The following IL1RAPL1 variants were observed in gnomAD, a reference collection of about 807,000 sequenced individuals.
The protein encoded by IL1RAPL1 is interleukin-1 receptor accessory protein-like 1.
In IL1RAPL1, 3 loss-of-function variants were observed where a neutral mutation model predicts 48.4. The observed-to-expected ratio is 0.06, with a 90% CI of 0.03 to 0.16. IL1RAPL1 has a LOEUF of 0.16. Among genes scored for constraint, IL1RAPL1 ranks in the 10% least tolerant of loss-of-function variants. The pLI, the probability that IL1RAPL1 is intolerant of heterozygous loss-of-function variation, is 1.00. For missense variants in IL1RAPL1, 349 were observed against 530.6 expected, an observed-to-expected ratio of 0.66 and a Z score of 3.36; for synonymous variants, 185 against 187.7, an observed-to-expected ratio of 0.99 and a Z score of 0.12.
chrX:29,937,218 A>C (rs1418791043), intron 8 of IL1RAPL1, among the ~76,000 whole-genome samples: 1 of 112,262 alleles, frequency 8.9e-6, no homozygotes, highest in African/African-American at 3.2e-5. Context: ...ACAGATTTTA[A>C]AAGGTCTGCA....
chrX:29,618,413 G>C (rs1344279405), intron 5 of IL1RAPL1, among the ~76,000 whole-genome samples: 2 of 112,167 alleles, frequency 1.8e-5, no homozygotes, highest in African/African-American at 3.2e-5. Context: ...GTGACTGCAA[G>C]CCACACACGT....
chrX:29,606,635 A>G (rs1204134677), intron 5 of IL1RAPL1, among the ~76,000 whole-genome samples: 2 of 112,334 alleles, frequency 1.8e-5, no homozygotes, highest in Non-Finnish European at 3.8e-5. Context: ...TCCCAATTGC[A>G]CATACAGTCT....
At chrX:28,681,413 A>G (rs73205773) in intron 1 of IL1RAPL1, among the ~76,000 whole-genome samples, 24,975 of 110,939 alleles carry the variant, frequency 0.23, 2,224 homozygotes, top group Admixed American at 0.37. Flanking sequence ...CCAGATACTC[A>G]TCATTGCTGA....
chrX:29,103,891 CAG>C (rs750506284), intron 2 of IL1RAPL1, among the ~76,000 whole-genome samples: 6 of 111,805 alleles, frequency 5.4e-5, no homozygotes, highest in African/African-American at 6.5e-5. Context: ...CACTGATCAT[CAG>C]AGAAATGCAA....
At chrX:28,606,896 A>G (rs1289880311) in intron 1 of IL1RAPL1, among the ~76,000 whole-genome samples, 1 of 111,544 alleles carries the variant, frequency 9.0e-6, no homozygotes, top group African/African-American at 3.2e-5. Flanking sequence ...AATAGAAAAA[A>G]ATAAAAATGA....
chrX:29,905,319 G>C (rs1932586645), intron 6 of IL1RAPL1, among the ~76,000 whole-genome samples: 1 of 110,950 alleles, frequency 9.0e-6, no homozygotes, highest in South Asian at 3.8e-4. Context: ...TAGGTTGCCT[G>C]TTCACTCTAA....
At chrX:28,908,540 G>T (rs774663111) in intron 2 of IL1RAPL1, among the ~76,000 whole-genome samples, 34 of 111,591 alleles carry the variant, frequency 3.0e-4, no homozygotes, top group African/African-American at 9.4e-4. Flanking sequence ...ATTCCATTGT[G>T]GTCTGGAAGC....
intron 6 of IL1RAPL1, 129 bp from the exon 7 acceptor site, chrX:29,917,335 A>C (rs1052555234): frequency 3.2e-6 from 2 of 625,714 alleles, no homozygotes. Flanking sequence ...AAAATCCCTG[A>C]AAAATTATTC....
intron 6 of IL1RAPL1, among the ~76,000 whole-genome samples, chrX:29,787,554 A>G (rs1167803253): frequency 8.9e-6 from 1 of 111,788 alleles, no homozygotes; most frequent in Non-Finnish European, 1.9e-5. Context: ...TTATTTAGTT[A>G]AGAAATAACC....
chrX:29,573,524 A>C (rs1458355415), intron 5 of IL1RAPL1, among the ~76,000 whole-genome samples: 2 of 112,352 alleles, frequency 1.8e-5, no homozygotes, highest in Non-Finnish European at 3.8e-5. Flanking sequence ...TTGTAAGATG[A>C]GAGAAAGGTG....
At chrX:28,818,523 C>G (rs777971205) in intron 2 of IL1RAPL1, among the ~76,000 whole-genome samples, 2 of 110,126 alleles carry the variant, frequency 1.8e-5, no homozygotes, top group South Asian at 7.6e-4. Flanking sequence ...TATATATATA[C>G]ATTATATTTT....
intron 1 of IL1RAPL1, among the ~76,000 whole-genome samples, chrX:28,713,777 A>C (rs899483209): frequency 5.4e-5 from 6 of 112,006 alleles, no homozygotes; most frequent in Admixed American, 4.8e-4. Context: ...CATAGAAAGA[A>C]GGCAGCCAAT....
At chrX:28,841,464 TA>T (rs1921369690) in intron 2 of IL1RAPL1, among the ~76,000 whole-genome samples, 2 of 111,301 alleles carry the variant, frequency 1.8e-5, no homozygotes, top group African/African-American at 6.5e-5. Flanking sequence ...AAATGATACA[TA>T]TTTTTAACAT....
intron 5 of IL1RAPL1, among the ~76,000 whole-genome samples, chrX:29,500,196 G>T (rs1459023779): frequency 9.0e-6 from 1 of 111,348 alleles, no homozygotes; most frequent in African/African-American, 3.3e-5. Context: ...GGCCAGGCTG[G>T]TCTCAAACAC....
At chrX:28,701,527 T>C (rs1049851549) in intron 1 of IL1RAPL1, among the ~76,000 whole-genome samples, 2 of 112,229 alleles carry the variant, frequency 1.8e-5, no homozygotes, top group Non-Finnish European at 3.8e-5. Flanking sequence ...AAGCAACATA[T>C]GTTAAGTGTC....
chrX:29,713,810 G>A (rs932115510), intron 6 of IL1RAPL1, among the ~76,000 whole-genome samples: 2 of 112,250 alleles, frequency 1.8e-5, no homozygotes, highest in African/African-American at 6.5e-5. Flanking sequence ...ACTAACTTAT[G>A]TAATGCATAA....
intron 2 of IL1RAPL1, among the ~76,000 whole-genome samples, chrX:29,230,147 G>C (rs918619930): frequency 9.0e-6 from 1 of 111,227 alleles, no homozygotes; most frequent in African/African-American, 3.3e-5. Context: ...GAGAGGATAG[G>C]CCTTCATTTC....
intron 3 of IL1RAPL1, among the ~76,000 whole-genome samples, chrX:29,339,956 C>T (rs867257677): frequency 1.8e-5 from 2 of 111,440 alleles, no homozygotes; most frequent in Non-Finnish European, 3.8e-5. Context: ...TGTTTCTGGG[C>T]AAAATATAAG....
intron 6 of IL1RAPL1, among the ~76,000 whole-genome samples, chrX:29,762,304 T>A (rs188034256): frequency 1.6e-3 from 183 of 111,894 alleles, no homozygotes; most frequent in African/African-American, 5.8e-3. Flanking sequence ...TCAGTAGCTG[T>A]CTTCTAGGAC....
Sources: gnomAD v4.1 joint callset for allele counts (sites outside exome capture counted in the v4.1 genomes callset) on GRCh38, gnomAD v4.1.1 for gene constraint, MANE v1.5 for transcripts, NCBI Gene and HGNC (gene_info 2026-07-23, HGNC 2026-07-21) for gene names.